Variants in RASA3 observed in about 807,000 individuals in gnomAD.
The protein encoded by RASA3 is ras GTPase-activating protein 3.
A neutral mutation model predicts 110.0 loss-of-function variants in RASA3; 73 were observed. That is an observed-to-expected ratio of 0.66 (90% CI 0.55 to 0.81). The LOEUF is 0.81. Ranked by LOEUF, RASA3 falls within the 30% of genes least tolerant of loss-of-function variation. RASA3 has a pLI of 0.00. For missense variants in RASA3, 976 were observed against 1,113.2 expected (o/e 0.88, Z 1.75); for synonymous variants, 500 against 451.4 (o/e 1.11, Z -1.37).
intron 3 of RASA3, among the ~76,000 whole-genome samples, chr13:114,043,768 T>C (rs572508372): frequency 4.4e-4 from 66 of 151,652 alleles, no homozygotes; most frequent in African/African-American, 1.5e-3. Context: ...TCCAATGGCC[T>C]CTAATGGCGC....
At chr13:114,076,987 G>A (rs1229835329) in intron 1 of RASA3, among the ~76,000 whole-genome samples, 2 of 152,034 alleles carry the variant, frequency 1.3e-5, no homozygotes, top group Non-Finnish European at 2.9e-5. Flanking sequence ...TTGTTTTCTG[G>A]GATTTCTTTG....
At chr13:114,025,188 A>C (rs1423401362) in intron 7 of RASA3, among the ~76,000 whole-genome samples, 1 of 152,026 alleles carries the variant, frequency 6.6e-6, no homozygotes. Context: ...CGAAGTTCTG[A>C]TGTAAGGCTT....
At position 114,034,930 on chromosome 13, in the gene RASA3, G is replaced by A. The variant is rs376632200; in HGVS notation, c.373-5043C>T. ...CTTAGAGCAGAAGGGAGATCTGAAC[G>A]CTGACCTGAGCTTAGAGCAGAAGGG... On this transcript the variant is annotated intron_variant, in intron 4 of 23. Coordinates refer to ENST00000334062, the MANE Select transcript of RASA3 (RefSeq NM_007368.4). Among the ~76,000 whole-genome samples the A allele has an allele frequency of 5.9e-4, 89 of 151,502 alleles. No homozygotes were observed. The South Asian group carries it at 0.019, about 32-fold the overall frequency.
chr13:114,054,889 G>A (rs535493550), intron 2 of RASA3, among the ~76,000 whole-genome samples: 4 of 152,146 alleles, frequency 2.6e-5, no homozygotes, highest in African/African-American at 4.8e-5. Context: ...CTGCGTCTGC[G>A]TGGGCACCGC....
chr13:114,012,229 A>T (rs1307812258), intron 15 of RASA3, among the ~76,000 whole-genome samples: 1 of 151,556 alleles, frequency 6.6e-6, no homozygotes, highest in African/African-American at 2.4e-5. Context: ...CACTGTCTCG[A>T]CTCCCCCAGA....
chr13:114,130,286 G>A (rs1360262080), intron 1 of RASA3, among the ~76,000 whole-genome samples: 3 of 152,200 alleles, frequency 2.0e-5, no homozygotes, highest in Non-Finnish European at 4.4e-5. Context: ...GAGGAAACGG[G>A]GACTTCTTGC....
chr13:114,041,564 G>A (rs895027845), intron 3 of RASA3, among the ~76,000 whole-genome samples: 1 of 152,242 alleles, frequency 6.6e-6, no homozygotes, highest in Non-Finnish European at 1.5e-5. Context: ...CCAGAGCTCT[G>A]ATCTCACAAA....
chr13:113,981,325 G>A (rs186492853), intron 23 of RASA3, among the ~76,000 whole-genome samples: 22 of 152,332 alleles, frequency 1.4e-4, no homozygotes, highest in African/African-American at 5.1e-4. Context: ...AGATGCCAGA[G>A]GGTGTGCCAC....
intron 16 of RASA3, among the ~76,000 whole-genome samples, chr13:114,010,343 C>T (rs552482979): frequency 2.6e-5 from 4 of 152,006 alleles, no homozygotes; most frequent in African/African-American, 9.6e-5. Flanking sequence ...CGAGGGGGCC[C>T]GAAGGCATCG....
At chr13:114,121,684 C>T (rs1004815703) in intron 1 of RASA3, among the ~76,000 whole-genome samples, 22 of 152,346 alleles carry the variant, frequency 1.4e-4, no homozygotes, top group African/African-American at 4.3e-4. Context: ...AGACTTTGAA[C>T]GCTTCACTCC....
intron 1 of RASA3, among the ~76,000 whole-genome samples, chr13:114,124,011 G>A (rs111882084): frequency 0.023 from 3,459 of 152,242 alleles, 123 homozygotes; most frequent in African/African-American, 0.069. Context: ...TCAAGGCACC[G>A]GTTTCGGTCC....
At chr13:113,990,590 A>C (rs1394145989) in intron 22 of RASA3, among the ~76,000 whole-genome samples, 1 of 152,230 alleles carries the variant, frequency 6.6e-6, no homozygotes, top group Non-Finnish European at 1.5e-5. Context: ...GGCCACCCTG[A>C]GGCCTTGTGC....
At chr13:113,999,012 G>T (rs1483119098) in intron 20 of RASA3, among the ~76,000 whole-genome samples, 4 of 152,344 alleles carry the variant, frequency 2.6e-5, no homozygotes, top group Admixed American at 2.6e-4. Flanking sequence ...AAAAGCACGG[G>T]CGGGACCGTG....
intron 3 of RASA3, among the ~76,000 whole-genome samples, chr13:114,047,900 G>A (rs769729750): frequency 3.3e-5 from 5 of 152,224 alleles, no homozygotes; most frequent in African/African-American, 4.8e-5. Context: ...GGAGTGTTCC[G>A]GGCTGTGGGA....
Position 114,056,601 on chromosome 13 carries a change from G to C in RASA3, c.174-4446C>G, listed in dbSNP as rs2079250205. 1.0e-6 allele frequency: 1 copy of C among 985,084 alleles called. No homozygotes were observed. Among genetic ancestry groups the C allele is most frequent in the Non-Finnish European group, 1.2e-6 (1 of 829,910 alleles). The allele number at this position is 985,084 out of a possible 1,614,324, so 61.0% of individuals were successfully genotyped here. A position where few individuals can be genotyped will look rare whatever the true frequency, so the allele number is the denominator to read the frequency against. ...GGCAGTGGGGGGCTCGGTGGGGGGA[G>C]GCCCGTGCTGGCTGGGCACCTGGGA... On this transcript the variant is annotated intron_variant, in intron 2 of 23. Coordinates refer to ENST00000334062, the MANE Select transcript of RASA3 (RefSeq NM_007368.4). This position sits in a 1 kb window ranked among gnomAD's most constrained non-coding sequence, Gnocchi z 5.7.
chr13:113,981,535 C>T (rs573207010), intron 23 of RASA3, 140 bp downstream of exon 23: 15 of 922,978 alleles, frequency 1.6e-5, no homozygotes, highest in African/African-American at 9.8e-5. Context: ...GGTGCCAGCC[C>T]GGTGCAAGTG....
intron 1 of RASA3, among the ~76,000 whole-genome samples, chr13:114,087,854 G>A (rs1394745994): frequency 6.6e-6 from 1 of 152,272 alleles, no homozygotes; most frequent in East Asian, 1.9e-4. Context: ...AATGAGCCGG[G>A]CGCGGTGGCT....
Position 113,981,806 on chromosome 13 carries a change from C to T in RASA3, c.2298G>A (p.Ser766=), listed in dbSNP as rs756923457. The change falls in exon 23 of 24, where the codon TCG becomes TCA. Residue 766 remains serine (S), a synonymous_variant. Transcript: ENST00000334062. ...CCTGGGGGTCGTCAATGACGAACGT[C>T]GAATACTCCTCCTGCTCCGGGCCGT... is the stretch of plus-strand genomic sequence containing the variant. ...VYDGPEQEEY[S]TFVIDDPQET... 2.4e-5 allele frequency: 38 copies of T among 1,614,016 alleles called. No homozygotes were observed. The highest frequency in any genetic ancestry group is 1.7e-4 in the Middle Eastern group (1 of 6,060).
chr13:114,127,924 G>A (rs1223194963), intron 1 of RASA3, among the ~76,000 whole-genome samples: 2 of 152,020 alleles, frequency 1.3e-5, no homozygotes, highest in African/African-American at 4.8e-5. Context: ...TGGAAACGAC[G>A]CCCTTAGCAT....
Sources: gnomAD v4.1 joint callset for allele counts (sites outside exome capture counted in the v4.1 genomes callset) on GRCh38, gnomAD v4.1.1 for gene constraint, Gnocchi (gnomAD v3.1) non-coding constraint, MANE v1.5 for transcripts, NCBI Gene and HGNC (gene_info 2026-07-23, HGNC 2026-07-21) for gene names.